The following ANO2 variants were observed in gnomAD, a reference collection of about 807,000 sequenced individuals.
ANO2 encodes the protein anoctamin 2.
ANO2 carries 101 observed loss-of-function variants against 124.2 expected under a neutral mutation model. The ratio of observed to expected loss-of-function variants is 0.81; its 90% confidence interval spans 0.69 to 0.96. The LOEUF is 0.96. Ranked by LOEUF, ANO2 falls within the 40% of genes least tolerant of loss-of-function variation. The pLI is 0.00. For synonymous variants in ANO2, 486 were observed against 482.5 expected (o/e 1.01, Z -0.09); for missense variants, 1,293 against 1,274.5 (o/e 1.01, Z -0.22).
chr12:5,770,627 A>G (rs899426466), intron 10 of ANO2, among the ~76,000 whole-genome samples: 2 of 152,184 alleles, frequency 1.3e-5, no homozygotes, highest in African/African-American at 2.4e-5. Context: ...TACCCTGGCC[A>G]AACACGGTCC....
chr12:5,861,365 C>T (rs1349099229), intron 3 of ANO2, among the ~76,000 whole-genome samples: 1 of 152,104 alleles, frequency 6.6e-6, no homozygotes, highest in Non-Finnish European at 1.5e-5. Flanking sequence ...TACCCCCAGC[C>T]ACCTCTCTCC....
At chr12:5,742,611 A>C (rs1030420891) in intron 12 of ANO2, among the ~76,000 whole-genome samples, 2 of 152,228 alleles carry the variant, frequency 1.3e-5, no homozygotes, top group Non-Finnish European at 2.9e-5. Context: ...GTTTCTCTAC[A>C]ACAGGGGATT....
chr12:5,685,283 G>A (rs559392549), intron 14 of ANO2, among the ~76,000 whole-genome samples: 1 of 152,192 alleles, frequency 6.6e-6, no homozygotes, highest in Non-Finnish European at 1.5e-5. Flanking sequence ...GGGGAAGAGT[G>A]CTAGGGAAGT....
chr12:5,627,524 A>C (rs1945477424), intron 16 of ANO2, among the ~76,000 whole-genome samples: 1 of 152,188 alleles, frequency 6.6e-6, no homozygotes, highest in South Asian at 2.1e-4. Context: ...CGCTGCAGAG[A>C]GCAGACCCCC....
chr12:5,846,703 T>A (rs1330287427), intron 4 of ANO2, among the ~76,000 whole-genome samples: 1 of 152,228 alleles, frequency 6.6e-6, no homozygotes, highest in Non-Finnish European at 1.5e-5. Context: ...ACTTTGAGCC[T>A]GCATAACTCC....
chr12:5,575,762 A>G, intron 23 of ANO2, 72 bp downstream of exon 23: 1 of 1,506,344 alleles, frequency 6.6e-7, no homozygotes, highest in South Asian at 1.3e-5. Context: ...TTGTAATTCT[A>G]GGTCGTCCCC....
At chr12:5,736,320 C>A (rs566653992) in intron 13 of ANO2, among the ~76,000 whole-genome samples, 52 of 152,278 alleles carry the variant, frequency 3.4e-4, no homozygotes, top group Middle Eastern at 6.8e-3. Flanking sequence ...GACCCACCTG[C>A]TGAAGGCACC....
chr12:5,832,736 A>C (rs1954196590), intron 4 of ANO2, 133 bp from the exon 5 acceptor site: 1 of 1,057,800 alleles, frequency 9.5e-7, no homozygotes, highest in Non-Finnish European at 1.3e-6. Context: ...TGGGAGAAAC[A>C]AGAAGGAGGG....
rs780909438 is a variant in ANO2 at position 5,921,355 on chromosome 12, G to A, written c.219C>T (p.Asn73=). ...ESTRSSSVIN[N]YLDANEPVSL... is the part of the protein sequence containing the mutation. Reference sequence around the variant, plus strand: ...ACACAGGCTCATTGGCATCCAGATAGTTGTTGATGACCTGGCCAGAGAGAG... The same window carrying A: ...ACACAGGCTCATTGGCATCCAGATAATTGTTGATGACCTGGCCAGAGAGAG... The change falls in exon 3 of 25, where the codon AAC becomes AAT. Residue 73 remains asparagine, a synonymous_variant. Transcript: ENST00000682330. 4 of 1,613,654 alleles carry A rather than the reference G, an allele frequency of 2.5e-6. No homozygotes were observed. The highest frequency in any genetic ancestry group is 3.4e-6 in the Non-Finnish European group (4 of 1,179,674).
intron 3 of ANO2, among the ~76,000 whole-genome samples, chr12:5,909,070 T>C (rs1230993678): frequency 3.9e-5 from 6 of 152,182 alleles, no homozygotes. Context: ...GCACAGATCA[T>C]GATGCTGTTT....
chr12:5,563,379 G>C lies in ANO2; in HGVS notation c.2917C>G (p.Arg973Gly), dbSNP rs751453525. The change falls in exon 25 of 25, where the codon CGG becomes GGG. Residue 973 changes from arginine (R) to glycine (G), a missense_variant. Transcript: ENST00000682330. ...SPGGGDRSRS[R>G]AASSAPSGQS... ...CCTGAAGGTGCTGAGCTGGCTGCCC[G>C]GCTCCTGCTTCGATCCCCACCTCCT... The C allele has an allele frequency of 5.0e-6, 8 of 1,605,148 alleles. No homozygotes were observed. In the East Asian group the frequency reaches 1.8e-4, roughly 36 times the overall value.
intron 10 of ANO2, among the ~76,000 whole-genome samples, chr12:5,772,390 G>A (rs762544870): frequency 9.2e-5 from 14 of 152,194 alleles, no homozygotes; most frequent in Non-Finnish European, 1.9e-4. Context: ...AGTCCTTGCC[G>A]TAGTCGCCTA....
intron 3 of ANO2, among the ~76,000 whole-genome samples, chr12:5,917,442 C>T (rs76434638): frequency 6.6e-6 from 1 of 151,932 alleles, no homozygotes; most frequent in Non-Finnish European, 1.5e-5. Context: ...AACCTGGCAA[C>T]AGTAAATAAT....
intron 13 of ANO2, among the ~76,000 whole-genome samples, chr12:5,735,035 C>T (rs1260201531): frequency 2.6e-5 from 4 of 152,224 alleles, no homozygotes; most frequent in Non-Finnish European, 5.9e-5. Flanking sequence ...GGCTGCGCTG[C>T]ACTCAGCTGA....
At chr12:5,718,942 G>A (rs1388781996) in intron 14 of ANO2, among the ~76,000 whole-genome samples, 8 of 152,218 alleles carry the variant, frequency 5.3e-5, no homozygotes. Flanking sequence ...CTACTGATGG[G>A]AGGTACCGCA....
chr12:5,685,014 T>C (rs1948646480), intron 14 of ANO2, among the ~76,000 whole-genome samples: 1 of 152,220 alleles, frequency 6.6e-6, no homozygotes, highest in African/African-American at 2.4e-5. Flanking sequence ...AATGGTCTAG[T>C]TCCTAGGCAC....
chr12:5,849,688 G>A (rs1429525193), intron 4 of ANO2, among the ~76,000 whole-genome samples: 1 of 152,104 alleles, frequency 6.6e-6, no homozygotes, highest in African/African-American at 2.4e-5. Flanking sequence ...ATTTGTCCAG[G>A]TTTGAGATCT....
chr12:5,930,443 G>A (rs1047746776), intron 1 of ANO2, among the ~76,000 whole-genome samples: 1 of 152,140 alleles, frequency 6.6e-6, no homozygotes, highest in African/African-American at 2.4e-5. Context: ...AGATGAAGTG[G>A]TCCAGACGGG....
chr12:5,923,202 A>G (rs1016322934), intron 1 of ANO2, among the ~76,000 whole-genome samples: 1 of 91,288 alleles, frequency 1.1e-5, no homozygotes, highest in Non-Finnish European at 2.4e-5. Context: ...ACACGCACGC[A>G]CACACACCCA....
Sources: allele counts gnomAD v4.1 joint callset (sites outside exome capture counted in the v4.1 genomes callset), GRCh38; gene constraint gnomAD v4.1.1; transcripts MANE v1.5; gene names NCBI Gene and HGNC (gene_info 2026-07-23, HGNC 2026-07-21).